Variants in MTR observed in about 807,000 individuals in gnomAD.
The protein encoded by MTR is methionine synthase.
In MTR, 84 loss-of-function variants were observed where a neutral mutation model predicts 154.8. The observed-to-expected ratio is 0.54, with a 90% CI of 0.45 to 0.65. MTR has a LOEUF of 0.65. Ranked by LOEUF, MTR falls within the 30% of genes least tolerant of loss-of-function variation. The probability of loss-of-function intolerance (pLI) is 0.00; values close to 1 mark genes in which losing one functional copy is unlikely to be tolerated. For synonymous variants in MTR, 554 were observed against 553.9 expected, an observed-to-expected ratio of 1.00 and a Z score of 0.00; for missense variants, 1,275 against 1,570.2, an observed-to-expected ratio of 0.81 and a Z score of 3.18.
chr1:236,897,173 A>T (rs1572352695), intron 32 of MTR, 55 bp downstream of exon 32: 2 of 1,284,968 alleles, frequency 1.6e-6, no homozygotes, highest in South Asian at 1.2e-5. Context: ...AAATTCTAGA[A>T]CCTCTCTCAT....
At position 236,830,340 on chromosome 1, in the gene MTR, T is replaced by C. The variant is rs1023832676; in HGVS notation, c.1075+1072T>C. 2.6e-5 allele frequency among the ~76,000 whole-genome samples: 4 copies of C among 152,128 alleles called. No homozygotes were observed. In the East Asian group the frequency reaches 7.7e-4, roughly 29 times the overall value. ...TCATCCCTGAAACTTAGTGCATTAC[T>C]TCAGCCAAGCACTAAGAGTGGAAAA... On this transcript the variant is annotated intron_variant, in intron 12 of 32. Coordinates refer to ENST00000366577, the MANE Select transcript of MTR (RefSeq NM_000254.3).
At chr1:236,858,522 A>G (rs1664335006) in intron 18 of MTR, among the ~76,000 whole-genome samples, 1 of 152,216 alleles carries the variant, frequency 6.6e-6, no homozygotes, top group Admixed American at 6.5e-5. Flanking sequence ...TGAAAGCAAT[A>G]GGAAACTTAC....
chr1:236,866,469 A>C lies in MTR; in HGVS notation c.2405+2915A>C, dbSNP rs976737990. On this transcript the variant is annotated intron_variant, in intron 22 of 32. Transcript: ENST00000366577. ...CCTCCATAGTCCCTGAGACACAACA[A>C]TATTGAAATTAGGCCAGTTAATAAC... 2.0e-5 allele frequency among the ~76,000 whole-genome samples: 3 copies of C among 149,960 alleles called. No individual in the cohort carries two copies. In the East Asian group the frequency reaches 6.0e-4, roughly 30 times the overall value.
chr1:236,847,901 G>A (rs1045950266), intron 15 of MTR, among the ~76,000 whole-genome samples: 2 of 152,184 alleles, frequency 1.3e-5, no homozygotes, highest in African/African-American at 4.8e-5. Flanking sequence ...GCACGATTGA[G>A]GCTTTATTAG....
chr1:236,873,884 C>T, intron 23 of MTR, 44 bp downstream of exon 23: 1 of 1,548,342 alleles, frequency 6.5e-7, no homozygotes, highest in African/African-American at 1.4e-5. Flanking sequence ...AATGTCATAT[C>T]CCCAGGTGTC....
intron 8 of MTR, chr1:236,820,538 TG>T: frequency 1.4e-6 from 1 of 739,348 alleles, no homozygotes. Context: ...TTACCTGGGC[TG>T]TTAAGTAACA....
chr1:236,801,025 G>A (rs1357876330), intron 1 of MTR, among the ~76,000 whole-genome samples: 1 of 152,168 alleles, frequency 6.6e-6, no homozygotes, highest in Admixed American at 6.5e-5. Flanking sequence ...CTTATTGGCT[G>A]ATAGGATAGT....
chr1:236,834,431 C>G (rs971344460), intron 13 of MTR, among the ~76,000 whole-genome samples: 4 of 152,270 alleles, frequency 2.6e-5, no homozygotes, highest in African/African-American at 9.6e-5. Flanking sequence ...CTGCCTGTCT[C>G]GGCCTCCCAA....
At chr1:236,894,711 T>G (rs1239716076) in intron 30 of MTR, 154 bp downstream of exon 30, 2 of 706,374 alleles carry the variant, frequency 2.8e-6, no homozygotes, top group African/African-American at 3.6e-5. Flanking sequence ...ATTATACGTA[T>G]TTTAATATTA....
chr1:236,875,509 G>C (rs769196355), intron 24 of MTR, among the ~76,000 whole-genome samples: 1 of 152,190 alleles, frequency 6.6e-6, no homozygotes, highest in Non-Finnish European at 1.5e-5. Context: ...TACGTTAACT[G>C]TGGGTACTAG....
intron 1 of MTR, among the ~76,000 whole-genome samples, chr1:236,799,501 A>C (rs1028480040): frequency 6.6e-6 from 1 of 152,044 alleles, no homozygotes; most frequent in Non-Finnish European, 1.5e-5. Flanking sequence ...TTTATTATAT[A>C]TTCCTTTTTA....
At chr1:236,814,952 T>C (rs904654866) in intron 6 of MTR, among the ~76,000 whole-genome samples, 2 of 152,312 alleles carry the variant, frequency 1.3e-5, no homozygotes, top group East Asian at 3.9e-4. Context: ...AGAGAATTAA[T>C]TGTGAAAACA....
At chr1:236,803,026 AAAG>A (rs1457145224) in intron 1 of MTR, among the ~76,000 whole-genome samples, 1 of 152,208 alleles carries the variant, frequency 6.6e-6, no homozygotes, top group Admixed American at 6.5e-5. Flanking sequence ...CTAATATTTT[AAAG>A]AATAGTTTGG....
intron 22 of MTR, among the ~76,000 whole-genome samples, chr1:236,867,771 A>G (rs1664899799): frequency 6.6e-6 from 1 of 152,210 alleles, no homozygotes; most frequent in Non-Finnish European, 1.5e-5. Flanking sequence ...GGAGGAAGTA[A>G]CTGCCGATGT....
intron 18 of MTR, among the ~76,000 whole-genome samples, chr1:236,857,721 A>G (rs1238191102): frequency 6.6e-6 from 1 of 152,240 alleles, no homozygotes; most frequent in African/African-American, 2.4e-5. Context: ...AGAAATGTAT[A>G]GAGGTGATTG....
intron 18 of MTR, 78 bp downstream of exon 18, chr1:236,853,166 ATGG>A (rs1320653060): frequency 2.7e-6 from 4 of 1,454,686 alleles, no homozygotes; most frequent in Non-Finnish European, 3.9e-6. Context: ...GTAGACCTTC[ATGG>A]TGGAATAGAA....
chr1:236,871,336 A>T (rs966503683), intron 22 of MTR, among the ~76,000 whole-genome samples: 1 of 151,954 alleles, frequency 6.6e-6, no homozygotes, highest in Non-Finnish European at 1.5e-5. Flanking sequence ...CCACAACTCT[A>T]TCCTTCTCCG....
At chr1:236,820,690 C>T (rs116447671) in intron 8 of MTR, among the ~76,000 whole-genome samples, 1 of 151,784 alleles carries the variant, frequency 6.6e-6, no homozygotes, top group African/African-American at 2.4e-5. Flanking sequence ...ATTGCTGTAT[C>T]TTATGGTAAG....
intron 15 of MTR, among the ~76,000 whole-genome samples, chr1:236,838,968 T>G (rs1341004715): frequency 6.6e-6 from 1 of 152,228 alleles, no homozygotes; most frequent in African/African-American, 2.4e-5. Flanking sequence ...TATAGGCAAC[T>G]ATAACACAAT....
Sources: gnomAD v4.1 joint callset for allele counts (sites outside exome capture counted in the v4.1 genomes callset) on GRCh38, gnomAD v4.1.1 for gene constraint, MANE v1.5 for transcripts, NCBI Gene and HGNC (gene_info 2026-07-23, HGNC 2026-07-21) for gene names.